Variants in DNAJC27 observed in about 807,000 individuals in gnomAD.
The protein encoded by DNAJC27 is DnaJ heat shock protein family (Hsp40) member C27.
In DNAJC27, 25 loss-of-function variants were observed where a neutral mutation model predicts 31.4. That is an observed-to-expected ratio of 0.80 (90% CI 0.58 to 1.11). The LOEUF is 1.11. Ranked by LOEUF, DNAJC27 falls within the 50% of genes most tolerant of loss-of-function variation. The pLI, the probability that DNAJC27 is intolerant of heterozygous loss-of-function variation, is 0.00. For missense variants in DNAJC27, 356 were observed against 347.3 expected (o/e 1.02, Z -0.20); for synonymous variants, 106 against 112.7 (o/e 0.94, Z 0.37).
chr2:24,951,352 C>G, intron 6 of DNAJC27, 42 bp downstream of exon 6: 9 of 1,564,372 alleles, frequency 5.8e-6, no homozygotes, highest in Non-Finnish European at 7.8e-6. Context: ...TGGAGTCTTT[C>G]TTTATGATAG....
intron 3 of DNAJC27, among the ~76,000 whole-genome samples, chr2:24,959,842 T>C (rs1419055366): frequency 1.3e-5 from 2 of 152,222 alleles, no homozygotes; most frequent in Admixed American, 6.5e-5. Flanking sequence ...TGTACTTTCA[T>C]AGTGCCATCA....
chr2:24,965,233 A>T (rs1666151348), intron 2 of DNAJC27, among the ~76,000 whole-genome samples: 1 of 150,974 alleles, frequency 6.6e-6, no homozygotes, highest in African/African-American at 2.4e-5. Context: ...AGGGAAAAGA[A>T]AAAAAAAAGA....
Position 24,957,114 on chromosome 2 carries a change from C to A in DNAJC27, c.457G>T (p.Ala153Ser). 6.2e-7 allele frequency: 1 copy of A among 1,608,884 alleles called. No homozygotes were observed. The highest frequency in any genetic ancestry group is 8.5e-7 in the Non-Finnish European group (1 of 1,178,310). Residue 153 changes from alanine to serine, a missense_variant, in exon 5 of 7, where the codon GCT becomes TCT. Ala to Ser is a moderately conservative substitution (Grantham distance 99, BLOSUM62 1). Coordinates refer to ENST00000264711, the MANE Select transcript of DNAJC27 (RefSeq NM_016544.3). The part of the protein sequence containing the change: ...CVDESEGRLW[A>S]ESKGFLYFET... Reference sequence around the variant, plus strand: ...AAGTACAGGAACCCTTTGCTTTCAGCCCAAAGACGTCCTTCACTTTCATCT... The same window carrying A: ...AAGTACAGGAACCCTTTGCTTTCAGACCAAAGACGTCCTTCACTTTCATCT...
At chr2:24,959,408 C>T (rs900483107) in intron 3 of DNAJC27, among the ~76,000 whole-genome samples, 2 of 152,240 alleles carry the variant, frequency 1.3e-5, no homozygotes, top group Non-Finnish European at 2.9e-5. Context: ...GCCCTCTCCT[C>T]TGAGGTTCCA....
chr2:24,970,508 AG>A (rs1404137584), intron 1 of DNAJC27, among the ~76,000 whole-genome samples: 1 of 128,120 alleles, frequency 7.8e-6, no homozygotes, highest in African/African-American at 3.0e-5. Context: ...TCTGCCGCCC[AG>A]GCTGGAGTGC....
chr2:24,953,047 G>A (rs758067619), intron 5 of DNAJC27, among the ~76,000 whole-genome samples: 8 of 151,788 alleles, frequency 5.3e-5, no homozygotes, highest in Non-Finnish European at 1.2e-4. Context: ...CACTGCACCT[G>A]GCTACACTTT....
At chr2:24,952,337 G>C (rs1425375549) in intron 5 of DNAJC27, among the ~76,000 whole-genome samples, 1 of 152,052 alleles carries the variant, frequency 6.6e-6, no homozygotes, top group African/African-American at 2.4e-5. Context: ...TGTACTAAAG[G>C]AGATCAGACT....
At chr2:24,968,828 A>T (rs138297090) in intron 1 of DNAJC27, 241 of 152,734 alleles carry the variant, frequency 1.6e-3, no homozygotes, top group Non-Finnish European at 2.9e-3. Flanking sequence ...TGATGTCTCC[A>T]TATTTCCTTC....
At position 24,947,718 on chromosome 2, in the gene DNAJC27, A is replaced by G; in HGVS notation, c.720T>C (p.Leu240=). The change falls in exon 7 of 7, where the codon CTT becomes CTC. Residue 240 remains leucine, a synonymous_variant. Coordinates refer to ENST00000264711, the MANE Select transcript of DNAJC27 (RefSeq NM_016544.3). Reference sequence around the variant, plus strand: ...ATTTGTCAGGGTGAAGAAGCACAGCAAGTTTCCGATACGCTTTATTGACTT... The same window carrying G: ...ATTTGTCAGGGTGAAGAAGCACAGCGAGTTTCCGATACGCTTTATTGACTT... ...RDEVNKAYRK[L]AVLLHPDKCV... The G allele has an allele frequency of 6.2e-7, 1 of 1,613,664 alleles. No individual in the cohort carries two copies. Among genetic ancestry groups the G allele is most frequent in the Non-Finnish European group, 8.5e-7 (1 of 1,179,588 alleles).
intron 5 of DNAJC27, among the ~76,000 whole-genome samples, chr2:24,955,707 A>AT (rs2149124147): frequency 6.6e-6 from 1 of 152,344 alleles, no homozygotes; most frequent in African/African-American, 2.4e-5. Flanking sequence ...AGGTACAGAG[A>AT]TTAATAAGAG....
chr2:24,951,575 C>A, intron 5 of DNAJC27, 21 bp from the exon 6 acceptor site: 1 of 1,591,594 alleles, frequency 6.3e-7, no homozygotes, highest in Non-Finnish European at 8.6e-7. Flanking sequence ...AAAACATAAC[C>A]CAGGGTAGAA....
intron 2 of DNAJC27, 21 bp from the exon 3 acceptor site, chr2:24,963,495 C>T (rs753010475): frequency 1.9e-6 from 3 of 1,598,762 alleles, no homozygotes; most frequent in Non-Finnish European, 2.6e-6. Context: ...CAAATGGAAA[C>T]AATCCGAAAG....
At chr2:24,958,899 T>C (rs1348387346) in intron 3 of DNAJC27, among the ~76,000 whole-genome samples, 1 of 152,192 alleles carries the variant, frequency 6.6e-6, no homozygotes, top group Non-Finnish European at 1.5e-5. Context: ...ATATGTTCTT[T>C]TCACAAAATT....
At chr2:24,971,659 G>T (rs935774568) in intron 1 of DNAJC27, 159 bp downstream of exon 1, 10 of 555,468 alleles carry the variant, frequency 1.8e-5, no homozygotes, top group African/African-American at 4.0e-5. Flanking sequence ...AAAGGTCGGG[G>T]AGTTTCGTTC....
chr2:24,961,746 T>C (rs1036292401), intron 3 of DNAJC27, among the ~76,000 whole-genome samples: 3 of 152,202 alleles, frequency 2.0e-5, no homozygotes, highest in Non-Finnish European at 4.4e-5. Context: ...AAGATGTGAC[T>C]GAATTACTGC....
At chr2:24,956,887 T>C (rs1469658018) in intron 5 of DNAJC27, among the ~76,000 whole-genome samples, 156 bp downstream of exon 5, 2 of 152,152 alleles carry the variant, frequency 1.3e-5, no homozygotes, top group Non-Finnish European at 2.9e-5. Flanking sequence ...TTCCTTTCTC[T>C]CCCCCTTTCT....
In DNAJC27 at chr2:24,965,363, C is replaced by T. The variant is rs1010138880; in HGVS notation, c.170+1848G>A. On this transcript the variant is annotated intron_variant, in intron 2 of 6. Coordinates refer to ENST00000264711, the MANE Select transcript of DNAJC27 (RefSeq NM_016544.3). The stretch of plus-strand genomic sequence containing the variant: ...CTCCGCCTCCGGGGTTCAAGTGATT[C>T]TCCCACCTCAGCCTCCCAAGTAGTT... Among the ~76,000 whole-genome samples, 3 of 152,116 alleles carry T rather than the reference C, an allele frequency of 2.0e-5. No homozygotes were observed. The South Asian group carries it at 6.2e-4, about 32-fold the overall frequency.
At chr2:24,958,986 G>C (rs1275232106) in intron 3 of DNAJC27, among the ~76,000 whole-genome samples, 1 of 152,084 alleles carries the variant, frequency 6.6e-6, no homozygotes, top group African/African-American at 2.4e-5. Context: ...AGGGTTTCTG[G>C]GCATAGGCAG....
chr2:24,967,213 T>C lies in DNAJC27; in HGVS notation c.168A>G (p.Thr56=). ...LATIGIDYGV[T]KVHVRDREIK... is the part of the protein sequence containing the mutation. ...ACCCAGGGAAACAATATACTTACTT[T>C]GTGACTCCATAGTCAATTCCAATTG... The change falls in exon 2 of 7, where the codon ACA becomes ACG. Residue 56 remains threonine (T), a splice_region_variant and synonymous_variant. Transcript: ENST00000264711. 2.5e-6 allele frequency: 4 copies of C among 1,611,896 alleles called. No individual in the cohort carries two copies. The highest frequency in any genetic ancestry group is 3.4e-6 in the Non-Finnish European group (4 of 1,178,084).
Sources: gnomAD v4.1 joint callset for allele counts (sites outside exome capture counted in the v4.1 genomes callset) on GRCh38, gnomAD v4.1.1 for gene constraint, MANE v1.5 for transcripts, NCBI Gene and HGNC (gene_info 2026-07-23, HGNC 2026-07-21) for gene names.